SEMA5B: variants seen among roughly 807,000 people sequenced by gnomAD.
The protein encoded by SEMA5B is semaphorin 5B, also known as semaphorin-5B.
SEMA5B carries 66 observed loss-of-function variants against 135.0 expected under a neutral mutation model. That is an observed-to-expected ratio of 0.49 (90% CI 0.40 to 0.60). SEMA5B has a LOEUF of 0.60. Ranked by LOEUF, SEMA5B falls within the 20% of genes least tolerant of loss-of-function variation. The pLI, the probability that SEMA5B is intolerant of heterozygous loss-of-function variation, is 0.00. For missense variants in SEMA5B, 1,501 were observed against 1,566.3 expected (o/e 0.96, Z 0.70); for synonymous variants, 690 against 639.5 (o/e 1.08, Z -1.19).
chr3:122,988,237 G>A (rs1003742128), intron 1 of SEMA5B, among the ~76,000 whole-genome samples: 2 of 152,248 alleles, frequency 1.3e-5, no homozygotes, highest in Non-Finnish European at 2.9e-5. Flanking sequence ...TTGTAGGTGA[G>A]GAAACTGAGG....
At chr3:122,912,662 C>T (rs1937798951) in intron 18 of SEMA5B, among the ~76,000 whole-genome samples, 181 bp downstream of exon 18, 2 of 151,866 alleles carry the variant, frequency 1.3e-5, no homozygotes, top group Admixed American at 1.3e-4. Flanking sequence ...CGTACTCCAC[C>T]GGAGTAGCCA....
chr3:122,914,760 T>C (rs1388389180), intron 14 of SEMA5B, among the ~76,000 whole-genome samples: 1 of 152,142 alleles, frequency 6.6e-6, no homozygotes, highest in African/African-American at 2.4e-5. Flanking sequence ...ATAGTGAGAC[T>C]CCTGTTTCTA....
intron 1 of SEMA5B, among the ~76,000 whole-genome samples, chr3:123,020,360 C>T (rs1942649496): frequency 6.6e-6 from 1 of 152,158 alleles, no homozygotes; most frequent in African/African-American, 2.4e-5. Flanking sequence ...TGGTTACATA[C>T]CTATCTAGAC....
At chr3:123,007,686 A>AC (rs1942346043) in intron 1 of SEMA5B, among the ~76,000 whole-genome samples, 1 of 152,154 alleles carries the variant, frequency 6.6e-6, no homozygotes, top group South Asian at 2.1e-4. Context: ...GGTACCCTGC[A>AC]CCACCTTGGG....
At chr3:122,937,086 A>G (rs560861903) in intron 5 of SEMA5B, among the ~76,000 whole-genome samples, 1 of 152,376 alleles carries the variant, frequency 6.6e-6, no homozygotes, top group South Asian at 2.1e-4. Context: ...AGTTGGCTCC[A>G]TAATGGGGAG....
chr3:122,926,153 C>T (rs1280327744), intron 9 of SEMA5B, among the ~76,000 whole-genome samples: 1 of 152,202 alleles, frequency 6.6e-6, no homozygotes, highest in Non-Finnish European at 1.5e-5. Context: ...CCAGCATGTT[C>T]CTCCTTCATG....
intron 2 of SEMA5B, among the ~76,000 whole-genome samples, chr3:122,960,004 C>T (rs1033696714): frequency 9.2e-5 from 14 of 152,150 alleles, no homozygotes; most frequent in Admixed American, 3.3e-4. Flanking sequence ...TTAGAGTAGC[C>T]TCCTTTTCCT....
intron 1 of SEMA5B, among the ~76,000 whole-genome samples, chr3:123,011,893 G>A (rs972472379): frequency 3.9e-5 from 6 of 152,270 alleles, no homozygotes; most frequent in East Asian, 1.9e-4. Flanking sequence ...GCAAGACAGC[G>A]CTTCTGAACA....
Position 122,911,479 on chromosome 3 carries a change from G to A in SEMA5B, c.3091+12C>T, listed in dbSNP as rs113290609. On this transcript the variant is annotated intron_variant, in intron 21 of 22. Transcript: ENST00000357599. ...GAGGACCGCAGCATGAGGTAGGTCC[G>A]GTTTCTTTTACCTGCACAGTCGGTG... 157 of 1,604,562 alleles carry A rather than the reference G, an allele frequency of 9.8e-5. No homozygotes were observed. In the African/African-American group the frequency reaches 1.7e-3, roughly 18 times the overall value.
intron 2 of SEMA5B, among the ~76,000 whole-genome samples, chr3:122,958,658 T>C (rs945968352): frequency 1.3e-5 from 2 of 152,156 alleles, no homozygotes; most frequent in Non-Finnish European, 2.9e-5. Flanking sequence ...TTTCTTCCCT[T>C]TTAGACCATC....
At chr3:123,011,273 C>T (rs112841568) in intron 1 of SEMA5B, among the ~76,000 whole-genome samples, 100 of 152,294 alleles carry the variant, frequency 6.6e-4, no homozygotes, top group African/African-American at 2.3e-3. Context: ...TTGGGATGGC[C>T]CCCTGGGGAT....
intron 2 of SEMA5B, among the ~76,000 whole-genome samples, chr3:122,954,689 G>C (rs1940202610): frequency 6.6e-6 from 1 of 152,180 alleles, no homozygotes; most frequent in African/African-American, 2.4e-5. Flanking sequence ...ATCTGCAGCT[G>C]GTAAGTGACC....
intron 2 of SEMA5B, among the ~76,000 whole-genome samples, chr3:122,948,959 T>C (rs1195886749): frequency 1.3e-5 from 2 of 152,156 alleles, no homozygotes; most frequent in African/African-American, 4.8e-5. Flanking sequence ...TGATCCCAAA[T>C]GGTTTAAAAT....
At position 123,023,322 on chromosome 3, in the gene SEMA5B, GCACACA is replaced by G. The variant is rs3080430; in HGVS notation, c.-39+4136_-39+4141del. 2.7e-3 allele frequency among the ~76,000 whole-genome samples: 391 copies of G among 144,034 alleles called. 4 individuals are homozygous for G. Among genetic ancestry groups the G allele is most frequent in the African/African-American group, 4.7e-3 (187 of 39,480 alleles). The allele number at this position is 144,034 out of a possible 152,430, so 94.5% of individuals were successfully genotyped here. A position where few individuals can be genotyped will look rare whatever the true frequency, so the allele number is the denominator to read the frequency against. On this transcript the variant is annotated intron_variant, in intron 1 of 22. Coordinates refer to ENST00000357599, the MANE Select transcript of SEMA5B (RefSeq NM_001031702.4). The stretch of plus-strand genomic sequence containing the variant: ...CATTCATTAGAAGTAACTATTTCCA[GCACACA>G]CACACACACACACACACACACACAC...
intron 1 of SEMA5B, among the ~76,000 whole-genome samples, chr3:122,993,871 G>C (rs1268273417): frequency 1.3e-5 from 2 of 151,758 alleles, no homozygotes; most frequent in South Asian, 4.2e-4. Flanking sequence ...AGCATTTCAC[G>C]AAATAGTCAG....
chr3:123,013,379 T>A (rs1414977839), intron 1 of SEMA5B, among the ~76,000 whole-genome samples: 1 of 152,240 alleles, frequency 6.6e-6, no homozygotes, highest in African/African-American at 2.4e-5. Flanking sequence ...TAGTCCACTC[T>A]GCAAAAGGAC....
chr3:122,997,116 A>C (rs576003050), intron 1 of SEMA5B, among the ~76,000 whole-genome samples: 1 of 152,134 alleles, frequency 6.6e-6, no homozygotes, highest in Non-Finnish European at 1.5e-5. Context: ...GTGTGGCACT[A>C]TGGTTTGTAA....
intron 5 of SEMA5B, among the ~76,000 whole-genome samples, chr3:122,937,807 A>G (rs1297949432): frequency 6.6e-6 from 1 of 152,182 alleles, no homozygotes; most frequent in Admixed American, 6.5e-5. Context: ...CCCTTCAGCC[A>G]CATTACACTC....
intron 5 of SEMA5B, among the ~76,000 whole-genome samples, chr3:122,929,352 A>T (rs9867255): frequency 6.6e-5 from 10 of 152,062 alleles, no homozygotes; most frequent in African/African-American, 2.4e-4. Flanking sequence ...CCCCACGCAG[A>T]TCTGCCCTCG....
Sources: allele counts gnomAD v4.1 joint callset (sites outside exome capture counted in the v4.1 genomes callset), GRCh38; gene constraint gnomAD v4.1.1; transcripts MANE v1.5; gene names NCBI Gene and HGNC (gene_info 2026-07-23, HGNC 2026-07-21).